Variants in TESC observed in about 807,000 individuals in gnomAD.
The protein encoded by TESC is tescalcin.
Under a neutral mutation model 31.0 loss-of-function variants are expected in TESC, and 19 were observed. That is an observed-to-expected ratio of 0.61 (90% CI 0.43 to 0.90). The LOEUF (loss-of-function observed/expected upper bound fraction) is 0.90. TESC is among the 40% of genes least tolerant of loss of function. The pLI is 0.00. For synonymous variants in TESC, 109 were observed against 114.8 expected (o/e 0.95, Z 0.32); for missense variants, 248 against 303.8 (o/e 0.82, Z 1.36).
At chr12:117,056,946 T>C in intron 2 of TESC, 60 bp from the exon 3 acceptor site, 1 of 1,563,680 alleles carries the variant, frequency 6.4e-7, no homozygotes, top group Non-Finnish European at 8.8e-7. Flanking sequence ...AGACGTCAGC[T>C]GGCATTTTCA....
At chr12:117,064,374 C>T (rs762010227) in intron 2 of TESC, among the ~76,000 whole-genome samples, 6 of 152,180 alleles carry the variant, frequency 3.9e-5, no homozygotes, top group Non-Finnish European at 8.8e-5. Flanking sequence ...CCTTTTTGCT[C>T]CTGGCAAATG....
chr12:117,070,719 G>A (rs1328535063), intron 2 of TESC, among the ~76,000 whole-genome samples: 1 of 152,156 alleles, frequency 6.6e-6, no homozygotes, highest in Non-Finnish European at 1.5e-5. Flanking sequence ...TCTGTAAAAT[G>A]GGGAGAGTGA....
intron 1 of TESC, 98 bp from the exon 2 acceptor site, chr12:117,075,438 C>A: frequency 7.9e-7 from 1 of 1,259,806 alleles, no homozygotes; most frequent in South Asian, 1.3e-5. Flanking sequence ...TCCCCACTGG[C>A]TGCCACACCC....
chr12:117,073,399 A>C (rs986732475), intron 2 of TESC, among the ~76,000 whole-genome samples: 11 of 152,248 alleles, frequency 7.2e-5, no homozygotes, highest in Middle Eastern at 3.4e-3. Context: ...ATAAATCTTA[A>C]TTGTCTTTAA....
Position 117,071,276 on chromosome 12 carries a change from C to G in TESC, c.128+3995G>C, listed in dbSNP as rs1228257629. ...GTTCATTTGAGCACTCTCACAGCAC[C>G]TACTGTGTTACAGGCCCTGGACTCA... On this transcript the variant is annotated intron_variant, in intron 2 of 7. Transcript: ENST00000335209. Among the ~76,000 whole-genome samples, 3 of 152,350 alleles carry G rather than the reference C, an allele frequency of 2.0e-5. No individual in the cohort carries two copies. In the East Asian group the frequency reaches 5.8e-4, roughly 29 times the overall value.
At chr12:117,069,078 T>A (rs993639563) in intron 2 of TESC, among the ~76,000 whole-genome samples, 1 of 151,780 alleles carries the variant, frequency 6.6e-6, no homozygotes, top group African/African-American at 2.4e-5. Context: ...AATGAACGTG[T>A]TAGAATTAGA....
intron 2 of TESC, among the ~76,000 whole-genome samples, chr12:117,070,890 G>A (rs921439056): frequency 6.6e-6 from 1 of 152,164 alleles, no homozygotes; most frequent in Admixed American, 6.5e-5. Flanking sequence ...AGGAGCACTT[G>A]AGCCTGGGAG....
intron 1 of TESC, among the ~76,000 whole-genome samples, chr12:117,091,304 G>A (rs1955303359): frequency 6.6e-6 from 1 of 152,210 alleles, no homozygotes; most frequent in African/African-American, 2.4e-5. Flanking sequence ...GCCCTTCTGA[G>A]CTGAAAACAC....
chr12:117,089,521 A>T (rs1318035941), intron 1 of TESC, among the ~76,000 whole-genome samples: 2 of 152,242 alleles, frequency 1.3e-5, no homozygotes, highest in African/African-American at 4.8e-5. Flanking sequence ...GTAGGCTTTA[A>T]ATTATTACAA....
chr12:117,076,450 TTTTG>T (rs1048792856), intron 1 of TESC, among the ~76,000 whole-genome samples: 4 of 152,172 alleles, frequency 2.6e-5, no homozygotes, highest in African/African-American at 9.7e-5. Flanking sequence ...ATCTCAGGTA[TTTTG>T]TTTGTTTTGA....
chr12:117,088,145 G>A (rs138699625), intron 1 of TESC, among the ~76,000 whole-genome samples: 147 of 152,278 alleles, frequency 9.7e-4, no homozygotes, highest in African/African-American at 3.1e-3. Context: ...TGCCCAAACT[G>A]AGGAGGGATG....
At chr12:117,039,361 A>C in intron 7 of TESC, 151 bp from the exon 8 acceptor site, 1 of 719,034 alleles carries the variant, frequency 1.4e-6, no homozygotes, top group Non-Finnish European at 2.3e-6. Context: ...GTGTTTCAAG[A>C]CTATGAGCTA....
intron 1 of TESC, among the ~76,000 whole-genome samples, chr12:117,085,779 C>T (rs145446434): frequency 1.3e-5 from 2 of 152,296 alleles, no homozygotes; most frequent in African/African-American, 2.4e-5. Context: ...ACTCAGCTGT[C>T]ACCCTGAACT....
intron 2 of TESC, among the ~76,000 whole-genome samples, chr12:117,059,127 T>C (rs1048680974): frequency 9.2e-5 from 14 of 152,118 alleles, no homozygotes; most frequent in African/African-American, 2.2e-4. Flanking sequence ...GGGACAGTCA[T>C]TGGGAGTGGG....
chr12:117,089,285 A>G (rs998970715), intron 1 of TESC, among the ~76,000 whole-genome samples: 2 of 152,244 alleles, frequency 1.3e-5, no homozygotes, highest in African/African-American at 4.8e-5. Flanking sequence ...ACCTAGCACA[A>G]GAAATGCAAA....
chr12:117,065,370 T>C (rs185141481), intron 2 of TESC, among the ~76,000 whole-genome samples: 37 of 152,166 alleles, frequency 2.4e-4, no homozygotes, highest in Middle Eastern at 6.8e-3. Context: ...TGTTTGCTGA[T>C]GAACTGGAAG....
At position 117,080,230 on chromosome 12, in the gene TESC, G is replaced by A. The variant is rs369375401; in HGVS notation, c.59-4890C>T. Reference sequence around the variant, plus strand: ...ACACCTGTAATCCAGCACTTCGGGAGGCTGAGGTAGGTGGATCACTTGAGG... The same window carrying A: ...ACACCTGTAATCCAGCACTTCGGGAAGCTGAGGTAGGTGGATCACTTGAGG... On this transcript the variant is annotated intron_variant, in intron 1 of 7. Transcript: ENST00000335209. Among the ~76,000 whole-genome samples, 9 of 152,328 alleles carry A rather than the reference G, an allele frequency of 5.9e-5. No homozygotes were observed. In the South Asian group the frequency reaches 1.7e-3, roughly 28 times the overall value.
chr12:117,072,915 C>T (rs535921363), intron 2 of TESC, among the ~76,000 whole-genome samples: 1 of 152,220 alleles, frequency 6.6e-6, no homozygotes, highest in Non-Finnish European at 1.5e-5. Context: ...GTAGCCAGAG[C>T]TACATGTGTG....
chr12:117,047,552 G>A (rs10850745), intron 4 of TESC, among the ~76,000 whole-genome samples: 68,331 of 151,798 alleles, frequency 0.45, 17,785 homozygotes, highest in African/African-American at 0.73. Context: ...AGCCTCCTGA[G>A]TAGCTGGGAT....
Sources: gnomAD v4.1 joint callset for allele counts (sites outside exome capture counted in the v4.1 genomes callset) on GRCh38, gnomAD v4.1.1 for gene constraint, MANE v1.5 for transcripts, NCBI Gene and HGNC (gene_info 2026-07-23, HGNC 2026-07-21) for gene names.